Variants in DOCK10 observed in about 807,000 individuals in gnomAD.
DOCK10 encodes dedicator of cytokinesis protein 10.
DOCK10 carries 145 observed loss-of-function variants against 280.1 expected under a neutral mutation model. The ratio of observed to expected loss-of-function variants is 0.52; its 90% CI spans 0.45 to 0.59. The LOEUF (loss-of-function observed/expected upper bound fraction) is 0.59, where lower values mean the gene tolerates loss of function less well. DOCK10 is among the 20% of genes least tolerant of loss of function. DOCK10 has a pLI of 0.00. For missense variants in DOCK10, 2,368 were observed against 2,651.7 expected, an observed-to-expected ratio of 0.89 and a Z score of 2.35; for synonymous variants, 915 against 942.2, an observed-to-expected ratio of 0.97 and a Z score of 0.53.
At position 224,886,549 on chromosome 2, in the gene DOCK10, AAAAG is replaced by A; in HGVS notation, c.417-22_417-19del. On this transcript the variant is annotated intron_variant, in intron 4 of 55. Transcript: ENST00000258390. ...ATTCTGCTCTGATATTAAAAAAAAA[AAAAG>A]ATTCTGATTTGTCATTGGAGACAGC... 1 of 1,586,696 alleles carries A rather than the reference AAAAG, an allele frequency of 6.3e-7. No individual in the cohort carries two copies. The highest frequency in any genetic ancestry group is 8.5e-7 in the Non-Finnish European group (1 of 1,171,480).
chr2:224,815,369 AAG>A (rs202196847), intron 30 of DOCK10, among the ~76,000 whole-genome samples: 2,290 of 152,234 alleles, frequency 0.015, 60 homozygotes, highest in African/African-American at 0.052. Context: ...ACAATGGACT[AAG>A]ACAGTAAGCA....
At chr2:224,771,250 T>C (rs1386057090) in intron 53 of DOCK10, among the ~76,000 whole-genome samples, 1 of 152,238 alleles carries the variant, frequency 6.6e-6, no homozygotes, top group African/African-American at 2.4e-5. Flanking sequence ...CGGAATCTGC[T>C]GTTTTCTTAA....
rs1032963403 is a variant in DOCK10, at chr2:224,845,912, C to T, written c.2236-270G>A. Among the ~76,000 whole-genome samples, 89 of 152,126 alleles carry T rather than the reference C, an allele frequency of 5.9e-4. 1 individual carries two copies. The highest frequency in any genetic ancestry group is 2.0e-3 in the African/African-American group (83 of 41,506). The stretch of plus-strand genomic sequence containing the variant: ...CTAATTTTTGTATTTTTAGTAGAGA[C>T]GGGGTTTCACCATGTTGGCCAGGCT... On this transcript the variant is annotated intron_variant, in intron 19 of 55. Transcript: ENST00000258390.
chr2:224,845,562 A>G lies in DOCK10; in HGVS notation c.2316T>C (p.Asn772=). The G allele has an allele frequency of 6.2e-7, 1 of 1,613,524 alleles. No homozygotes were observed. The highest frequency in any genetic ancestry group is 8.5e-7 in the Non-Finnish European group (1 of 1,179,762). Residue 772 remains asparagine (N), a synonymous_variant, in exon 20 of 56, where the codon AAT becomes AAC. Coordinates refer to ENST00000258390, the MANE Select transcript of DOCK10 (RefSeq NM_014689.3). ...FSFYHVTCDI[N]AKANAKKKEA... ...CCTTCTTTTTGGCATTAGCTTTTGC[A>G]TTGATGTCACAGGTGACGTGATAAA... is the stretch of plus-strand genomic sequence containing the variant.
At position 224,874,737 on chromosome 2, in the gene DOCK10, AATT is replaced by A; in HGVS notation, c.943_945del (p.Asn315del). 1 of 1,613,840 alleles carries A rather than the reference AATT, an allele frequency of 6.2e-7. No individual in the cohort carries two copies. Among genetic ancestry groups the A allele is most frequent in the South Asian group, 1.1e-5 (1 of 91,078 alleles). On this transcript the variant is annotated inframe_deletion, in exon 9 of 56. Coordinates refer to ENST00000258390, the MANE Select transcript of DOCK10 (RefSeq NM_014689.3). ...TCTGGCGTGCATTCACAAGTTACAG[AATT>A]ATCCAGCGAATCTTAAAAAGATATA...
chr2:224,972,445 T>C (rs1052342306), intron 1 of DOCK10, among the ~76,000 whole-genome samples: 1 of 152,210 alleles, frequency 6.6e-6, no homozygotes, highest in African/African-American at 2.4e-5. Flanking sequence ...CATTCATTCA[T>C]CAAACCTTTG....
chr2:224,829,572 ATG>A (rs1302226101), intron 27 of DOCK10, among the ~76,000 whole-genome samples: 5 of 152,176 alleles, frequency 3.3e-5, no homozygotes, highest in Non-Finnish European at 7.4e-5. Context: ...GCTCAGAGAA[ATG>A]TGTGTGGAAC....
At chr2:224,919,667 G>A (rs1481974183) in intron 2 of DOCK10, among the ~76,000 whole-genome samples, 6 of 90,304 alleles carry the variant, frequency 6.6e-5, no homozygotes, top group African/African-American at 1.5e-4. Flanking sequence ...GAGTGTGCGT[G>A]TGTCTGTCCA....
chr2:225,039,206 A>G (rs943744538), intron 1 of DOCK10, among the ~76,000 whole-genome samples: 6 of 152,228 alleles, frequency 3.9e-5, no homozygotes, highest in African/African-American at 1.4e-4. Context: ...TATTCAACCA[A>G]TGTAATAAAA....
At chr2:225,034,874 A>C (rs1217557832) in intron 1 of DOCK10, among the ~76,000 whole-genome samples, 2 of 152,132 alleles carry the variant, frequency 1.3e-5, no homozygotes, top group Non-Finnish European at 2.9e-5. Context: ...TGGTAGGAGG[A>C]GTAACATTCA....
At chr2:224,974,322 G>A (rs549332249) in intron 1 of DOCK10, among the ~76,000 whole-genome samples, 4 of 152,290 alleles carry the variant, frequency 2.6e-5, no homozygotes, top group African/African-American at 9.6e-5. Flanking sequence ...GAATGAAATA[G>A]ATTTGGAAAA....
chr2:224,879,932 T>C (rs1698879871), intron 7 of DOCK10, among the ~76,000 whole-genome samples: 1 of 152,122 alleles, frequency 6.6e-6, no homozygotes, highest in South Asian at 2.1e-4. Flanking sequence ...ATTTGAGTGA[T>C]GAATTTGATG....
chr2:225,041,124 G>A (rs183573074), intron 1 of DOCK10, among the ~76,000 whole-genome samples: 2 of 152,172 alleles, frequency 1.3e-5, no homozygotes, highest in East Asian at 3.9e-4. Flanking sequence ...TCAACTTTCC[G>A]ACCTCTGGCT....
chr2:224,766,970 T>C (rs544747123), intron 55 of DOCK10, among the ~76,000 whole-genome samples: 36 of 152,220 alleles, frequency 2.4e-4, no homozygotes, highest in Non-Finnish European at 4.1e-4. Context: ...GGTTCCTTCA[T>C]TAACTAGATG....
intron 1 of DOCK10, among the ~76,000 whole-genome samples, chr2:225,019,962 C>T (rs1010068188): frequency 3.9e-5 from 6 of 152,162 alleles, no homozygotes; most frequent in Non-Finnish European, 7.3e-5. Flanking sequence ...AAATTGCAAA[C>T]ATATTTGTGA....
intron 1 of DOCK10, among the ~76,000 whole-genome samples, chr2:225,038,216 G>C (rs571255511): frequency 6.6e-6 from 1 of 151,686 alleles, no homozygotes; most frequent in Non-Finnish European, 1.5e-5. Context: ...ACTTTCATTT[G>C]CTATCACTTT....
chr2:224,845,087 T>G, intron 21 of DOCK10, 116 bp downstream of exon 21: 1 of 1,119,126 alleles, frequency 8.9e-7, no homozygotes, highest in Non-Finnish European at 1.3e-6. Context: ...GTACACTTGA[T>G]TCATAGCTAC....
chr2:224,974,968 A>G (rs73081891), intron 1 of DOCK10, among the ~76,000 whole-genome samples: 1 of 150,166 alleles, frequency 6.7e-6, no homozygotes, highest in African/African-American at 2.4e-5. Context: ...ACCTCCCCCA[A>G]TCACCACACC....
intron 32 of DOCK10, 27 bp downstream of exon 32, chr2:224,807,884 G>C: frequency 6.2e-7 from 1 of 1,602,086 alleles, no homozygotes; most frequent in South Asian, 1.1e-5. Context: ...ATGGTGTTTA[G>C]GGAAGGGAGA....
Sources: allele counts gnomAD v4.1 joint callset (sites outside exome capture counted in the v4.1 genomes callset), GRCh38; gene constraint gnomAD v4.1.1; transcripts MANE v1.5; gene names NCBI Gene and HGNC (gene_info 2026-07-23, HGNC 2026-07-21).